The following LINGO2 variants were observed in gnomAD, a reference collection of about 807,000 sequenced individuals.
LINGO2 encodes the protein leucine rich repeat and Ig domain containing 2, also known as leucine-rich repeat and immunoglobulin-like domain-containing nogo receptor-interacting protein 2.
In LINGO2, 14 loss-of-function variants were observed where a neutral mutation model predicts 30.6. That is an observed-to-expected ratio of 0.46 (90% CI 0.30 to 0.72). The LOEUF (loss-of-function observed/expected upper bound fraction) is 0.72, where lower values mean the gene tolerates loss of function less well. Ranked by LOEUF, LINGO2 falls within the 30% of genes least tolerant of loss-of-function variation. The pLI is 0.07. For missense variants in LINGO2, 729 were observed against 751.7 expected, an observed-to-expected ratio of 0.97 and a Z score of 0.35; for synonymous variants, 317 against 288.5, an observed-to-expected ratio of 1.10 and a Z score of -1.00.
chr9:28,298,499 CAAAAAAAA>C (rs113910404), intron 3 of LINGO2, among the ~76,000 whole-genome samples: 1 of 112,386 alleles, frequency 8.9e-6, no homozygotes, highest in Admixed American at 9.0e-5. Flanking sequence ...CTGTCTCTAC[CAAAAAAAA>C]AAAAAAAGAA....
intron 1 of LINGO2, among the ~76,000 whole-genome samples, chr9:28,598,418 CAAA>C (rs766825127): frequency 1.9e-4 from 21 of 109,050 alleles, no homozygotes; most frequent in African/African-American, 7.7e-4. Flanking sequence ...TTCTCCATAT[CAAA>C]AAAAAAAAAA....
At chr9:28,054,571 TAGA>T (rs1157523830) in intron 4 of LINGO2, among the ~76,000 whole-genome samples, 2 of 152,132 alleles carry the variant, frequency 1.3e-5, no homozygotes, top group African/African-American at 2.4e-5. Flanking sequence ...TAAAAAATTT[TAGA>T]AGAAAAACTT....
intron 4 of LINGO2, among the ~76,000 whole-genome samples, chr9:28,235,209 G>A (rs981509988): frequency 6.6e-6 from 1 of 152,178 alleles, no homozygotes; most frequent in African/African-American, 2.4e-5. Context: ...GAGAAAGTAA[G>A]ATAAAAGAAC....
At chr9:28,024,326 G>A (rs573276629) in intron 4 of LINGO2, among the ~76,000 whole-genome samples, 6 of 152,250 alleles carry the variant, frequency 3.9e-5, no homozygotes, top group East Asian at 3.9e-4. Context: ...AAAGGTGCCC[G>A]GAGGATGGGT....
chr9:28,163,245 T>G (rs147441778), intron 4 of LINGO2, among the ~76,000 whole-genome samples: 5 of 152,156 alleles, frequency 3.3e-5, no homozygotes, highest in African/African-American at 1.2e-4. Flanking sequence ...TGAGGAGGCA[T>G]TGAAAGAAGG....
At chr9:28,120,209 G>C (rs1345024931) in intron 4 of LINGO2, among the ~76,000 whole-genome samples, 1 of 152,166 alleles carries the variant, frequency 6.6e-6, no homozygotes, top group Non-Finnish European at 1.5e-5. Flanking sequence ...AAAAGATTGG[G>C]AAAACCAATC....
chr9:28,443,970 C>G (rs776137588), intron 2 of LINGO2, among the ~76,000 whole-genome samples: 49 of 152,132 alleles, frequency 3.2e-4, no homozygotes, highest in Non-Finnish European at 5.6e-4. Context: ...CCATGGCTGT[C>G]CATGGATCAA....
chr9:28,110,295 G>A (rs1169060272), intron 4 of LINGO2, among the ~76,000 whole-genome samples: 1 of 152,080 alleles, frequency 6.6e-6, no homozygotes, highest in Admixed American at 6.5e-5. Context: ...AAAAACCCTA[G>A]AAGAAAACTT....
At chr9:29,082,806 T>C in the LINGO2 span, among the ~76,000 whole-genome samples, 12 of 152,172 alleles carry the variant, frequency 7.9e-5, no homozygotes, top group African/African-American at 2.9e-4. Flanking sequence ...AGAAGACGTT[T>C]ATGCAGCCAA....
At chr9:28,510,672 C>T (rs887176672) in intron 1 of LINGO2, among the ~76,000 whole-genome samples, 1 of 64,392 alleles carries the variant, frequency 1.6e-5, no homozygotes, top group Non-Finnish European at 3.2e-5. Context: ...CTAGTGTCAA[C>T]TGTATATATA....
the LINGO2 span, among the ~76,000 whole-genome samples, chr9:28,729,247 G>C: frequency 2.0e-5 from 3 of 152,050 alleles, no homozygotes; most frequent in African/African-American, 7.2e-5. Context: ...TGATTTTATA[G>C]CTCTTCCAAC....
At chr9:28,621,483 G>A (rs1363968697) in intron 1 of LINGO2, among the ~76,000 whole-genome samples, 1 of 151,292 alleles carries the variant, frequency 6.6e-6, no homozygotes, top group African/African-American at 2.4e-5. Flanking sequence ...ACTGGCACAA[G>A]AGAACCACTG....
intron 4 of LINGO2, among the ~76,000 whole-genome samples, chr9:28,034,245 T>C (rs1290193945): frequency 6.6e-6 from 1 of 152,180 alleles, no homozygotes; most frequent in Non-Finnish European, 1.5e-5. Context: ...CCTTTGCTGG[T>C]TGTTGAATAG....
At chr9:28,384,885 C>A (rs1436231516) in intron 2 of LINGO2, among the ~76,000 whole-genome samples, 1 of 151,940 alleles carries the variant, frequency 6.6e-6, no homozygotes, top group East Asian at 1.9e-4. Flanking sequence ...CACTCTAGAT[C>A]CTAAGTTATT....
intron 4 of LINGO2, among the ~76,000 whole-genome samples, chr9:28,044,709 G>A (rs1217749472): frequency 6.6e-6 from 1 of 152,138 alleles, no homozygotes; most frequent in Admixed American, 6.5e-5. Flanking sequence ...CGAGCAGAGA[G>A]ATGTGAACAA....
intron 4 of LINGO2, among the ~76,000 whole-genome samples, chr9:28,260,720 T>C (rs1822536896): frequency 6.6e-6 from 1 of 151,728 alleles, no homozygotes; most frequent in Non-Finnish European, 1.5e-5. Flanking sequence ...GACAGATGAG[T>C]TTATTTCTTG....
Position 28,253,632 on chromosome 9 carries a change from G to A in LINGO2, c.-87+41576C>T, listed in dbSNP as rs545691218. Among the ~76,000 whole-genome samples, 6 of 152,200 alleles carry A rather than the reference G, an allele frequency of 3.9e-5. No homozygotes were observed. In the East Asian group the frequency reaches 1.2e-3, roughly 29 times the overall value. ...GTCTTTTCTCAGATTTGAATGACGA[G>A]GTTAAGATGGTAGGAGTTAAAACCT... On this transcript the variant is annotated intron_variant, in intron 4 of 5. Coordinates refer to ENST00000379992, the Ensembl canonical transcript of LINGO2.
intron 1 of LINGO2, among the ~76,000 whole-genome samples, chr9:28,535,592 G>T (rs1444243070): frequency 6.6e-6 from 1 of 151,914 alleles, no homozygotes; most frequent in Non-Finnish European, 1.5e-5. Flanking sequence ...AGCAAGGTAG[G>T]CTAAGACTGT....
the LINGO2 span, among the ~76,000 whole-genome samples, chr9:28,959,587 A>ATCTCTTTC: frequency 8.6e-3 from 925 of 107,408 alleles, 12 homozygotes; most frequent in Middle Eastern, 0.023. Flanking sequence ...CTTTTCTTTT[A>ATCTCTTTC]TCTCTCTCTC....
Sources: allele counts gnomAD v4.1 joint callset (sites outside exome capture counted in the v4.1 genomes callset), GRCh38; gene constraint gnomAD v4.1.1; transcripts MANE v1.5; gene names NCBI Gene and HGNC (gene_info 2026-07-23, HGNC 2026-07-21).